EPHB1: variants seen among roughly 807,000 people sequenced by gnomAD.
The protein encoded by EPHB1 is ephrin type-B receptor 1.
In EPHB1, 30 loss-of-function variants were observed where a neutral mutation model predicts 94.4. That is an observed-to-expected ratio of 0.32 (90% CI 0.24 to 0.43). The LOEUF is 0.43. EPHB1 is among the 20% of genes least tolerant of loss of function. The probability of loss-of-function intolerance (pLI) is 1.00; values close to 1 mark genes in which losing one functional copy is unlikely to be tolerated. For missense variants in EPHB1, 1,055 were observed against 1,308.3 expected (o/e 0.81, Z 2.99); for synonymous variants, 522 against 489.1 (o/e 1.07, Z -0.89).
At chr3:134,917,615 G>A (rs1470889980) in intron 1 of EPHB1, among the ~76,000 whole-genome samples, 1 of 152,258 alleles carries the variant, frequency 6.6e-6, no homozygotes, top group Non-Finnish European at 1.5e-5. Flanking sequence ...GGGGAGGACT[G>A]TGCTGATCTG....
At chr3:135,022,626 A>C (rs903058434) in intron 3 of EPHB1, among the ~76,000 whole-genome samples, 1 of 152,152 alleles carries the variant, frequency 6.6e-6, no homozygotes, top group Non-Finnish European at 1.5e-5. Context: ...AAAGTATTAA[A>C]TTTGCTGGGA....
intron 12 of EPHB1, among the ~76,000 whole-genome samples, chr3:135,209,879 C>A (rs757114560): frequency 1.3e-5 from 2 of 152,106 alleles, no homozygotes; most frequent in African/African-American, 4.8e-5. Flanking sequence ...GGCTACGGGG[C>A]AATGGGCCTG....
intron 1 of EPHB1, among the ~76,000 whole-genome samples, chr3:134,896,789 C>T (rs1276866490): frequency 1.3e-5 from 2 of 152,218 alleles, no homozygotes; most frequent in Non-Finnish European, 2.9e-5. Flanking sequence ...TGACAGAAAC[C>T]GCAATCTGTA....
intron 1 of EPHB1, among the ~76,000 whole-genome samples, chr3:134,834,954 A>T (rs1279575676): frequency 6.6e-6 from 1 of 152,190 alleles, no homozygotes; most frequent in Admixed American, 6.5e-5. Context: ...CCTATGAGTG[A>T]TTGACTGTCT....
intron 1 of EPHB1, among the ~76,000 whole-genome samples, chr3:134,876,943 GGAAT>G (rs1424290928): frequency 6.6e-6 from 1 of 152,148 alleles, no homozygotes; most frequent in Non-Finnish European, 1.5e-5. Flanking sequence ...AATTCCCAGT[GGAAT>G]GAATTTTTCC....
At chr3:135,129,201 G>C (rs1940325223) in intron 4 of EPHB1, among the ~76,000 whole-genome samples, 1 of 152,016 alleles carries the variant, frequency 6.6e-6, no homozygotes, top group Non-Finnish European at 1.5e-5. Context: ...CCCCTGGAAT[G>C]GGGGGTGGGG....
At chr3:134,891,333 C>T (rs2037979634) in intron 1 of EPHB1, among the ~76,000 whole-genome samples, 1 of 152,204 alleles carries the variant, frequency 6.6e-6, no homozygotes, top group Non-Finnish European at 1.5e-5. Context: ...TCGTCTTGAA[C>T]TCCTGAGCTC....
At chr3:135,222,817 A>G (rs182711874) in intron 12 of EPHB1, among the ~76,000 whole-genome samples, 56 of 152,358 alleles carry the variant, frequency 3.7e-4, no homozygotes, top group Non-Finnish European at 7.5e-4. Context: ...GCAAAGGATC[A>G]GTGAACCAAT....
intron 3 of EPHB1, among the ~76,000 whole-genome samples, chr3:135,018,720 C>A (rs1297815022): frequency 2.0e-5 from 3 of 152,210 alleles, no homozygotes; most frequent in Non-Finnish European, 4.4e-5. Flanking sequence ...GTGAGCCTCG[C>A]AGGACACAAA....
rs548930199 is a variant in EPHB1 at position 135,081,090 on chromosome 3, A to C, written c.806-25358A>C. On this transcript the variant is annotated intron_variant, in intron 3 of 15. Coordinates refer to ENST00000398015, the MANE Select transcript of EPHB1 (RefSeq NM_004441.5). ...TCCATCTAGAGACACGAGGAGAATCAGGTGAAGGAGGGGAGGGGAGGTGGA... is the reference window on the plus strand; with the variant it reads ...TCCATCTAGAGACACGAGGAGAATCCGGTGAAGGAGGGGAGGGGAGGTGGA... 2.9e-4 allele frequency among the ~76,000 whole-genome samples: 44 copies of C among 152,270 alleles called. No individual in the cohort carries two copies. The East Asian group carries it at 7.5e-3, about 26-fold the overall frequency.
intron 7 of EPHB1, 95 bp from the exon 8 acceptor site, chr3:135,165,873 T>G: frequency 1.2e-6 from 1 of 826,018 alleles, no homozygotes; most frequent in African/African-American, 1.7e-5. Flanking sequence ...TCTACATATA[T>G]GTATATTTAG....
In EPHB1 at chr3:135,145,713, A is replaced by G. The variant is rs1455659361; in HGVS notation, c.1298-8439A>G. Among the ~76,000 whole-genome samples the G allele has an allele frequency of 2.6e-5, 4 of 152,194 alleles. No individual in the cohort carries two copies. The East Asian group carries it at 7.7e-4, about 29-fold the overall frequency. On this transcript the variant is annotated intron_variant, in intron 5 of 15. Transcript: ENST00000398015. The stretch of plus-strand genomic sequence containing the variant: ...CCTGCTAGGTGTCTTCATTTACACC[A>G]CAGAGAAGAACTTCTATCTCTAATC...
At chr3:134,857,318 G>C (rs890900926) in intron 1 of EPHB1, among the ~76,000 whole-genome samples, 1 of 152,078 alleles carries the variant, frequency 6.6e-6, no homozygotes, top group Admixed American at 6.6e-5. Context: ...GCTTGTCCCA[G>C]TTCTGTCTTG....
chr3:135,003,020 T>A (rs1358937896), intron 3 of EPHB1, among the ~76,000 whole-genome samples: 1 of 152,270 alleles, frequency 6.6e-6, no homozygotes, highest in African/African-American at 2.4e-5. Context: ...GTGTTTGCTC[T>A]TGCTTTTCTA....
chr3:134,965,817 C>T (rs9289487), intron 3 of EPHB1, among the ~76,000 whole-genome samples: 1 of 151,750 alleles, frequency 6.6e-6, no homozygotes, highest in African/African-American at 2.4e-5. Context: ...TCAGAGAGCT[C>T]ATAGCCTCAG....
intron 12 of EPHB1, among the ~76,000 whole-genome samples, chr3:135,215,606 G>A (rs998568176): frequency 2.0e-5 from 3 of 152,300 alleles, no homozygotes; most frequent in South Asian, 4.2e-4. Flanking sequence ...TGAGGACCTC[G>A]TGGCAGGATC....
intron 1 of EPHB1, among the ~76,000 whole-genome samples, chr3:134,865,653 T>A (rs1372645232): frequency 1.2e-4 from 18 of 148,882 alleles, no homozygotes; most frequent in African/African-American, 4.6e-4. Flanking sequence ...TGCAGCTGTT[T>A]TAAAAAAAAA....
At chr3:134,869,394 T>A (rs548874909) in intron 1 of EPHB1, among the ~76,000 whole-genome samples, 2 of 152,308 alleles carry the variant, frequency 1.3e-5, no homozygotes, top group African/African-American at 4.8e-5. Flanking sequence ...GATGGCTGCT[T>A]CCTGGGACTA....
chr3:134,802,281 C>CA (rs545823600), intron 1 of EPHB1, among the ~76,000 whole-genome samples: 56 of 138,224 alleles, frequency 4.1e-4, no homozygotes, highest in African/African-American at 1.2e-3. Flanking sequence ...CTAAAAAAAA[C>CA]AAAAAAACAA....
Sources: gnomAD v4.1 joint callset for allele counts (sites outside exome capture counted in the v4.1 genomes callset) on GRCh38, gnomAD v4.1.1 for gene constraint, MANE v1.5 for transcripts, NCBI Gene and HGNC (gene_info 2026-07-23, HGNC 2026-07-21) for gene names.